Variants in CDC16 observed in about 807,000 individuals in gnomAD.
CDC16 encodes cell division cycle protein 16 homolog.
In CDC16, 34 loss-of-function variants were observed where a neutral mutation model predicts 87.0. That is an observed-to-expected ratio of 0.39 (90% CI 0.30 to 0.52). The LOEUF (loss-of-function observed/expected upper bound fraction) is 0.52, where lower values mean the gene tolerates loss of function less well. CDC16 is among the 20% of genes least tolerant of loss of function. The pLI is 0.74. For synonymous variants in CDC16, 263 were observed against 260.6 expected, an observed-to-expected ratio of 1.01 and a Z score of -0.09; for missense variants, 653 against 751.9, an observed-to-expected ratio of 0.87 and a Z score of 1.54.
intron 2 of CDC16, 22 bp from the exon 3 acceptor site, chr13:114,236,777 T>A: frequency 6.2e-7 from 1 of 1,612,506 alleles, no homozygotes; most frequent in South Asian, 1.1e-5. Flanking sequence ...CTCTGACCAC[T>A]TATGTGAATT....
rs1281536284 is a variant in CDC16, at chr13:114,272,486, G to A, written c.*43G>A. The A allele has an allele frequency of 3.2e-6, 5 of 1,567,828 alleles. No individual in the cohort carries two copies. The Admixed American group carries it at 8.9e-5, about 28-fold the overall frequency. On this transcript the variant is annotated 3_prime_UTR_variant, in exon 18 of 18. Coordinates refer to ENST00000356221, the MANE Select transcript of CDC16 (RefSeq NM_001078645.3). The stretch of plus-strand genomic sequence containing the variant: ...GGTCCCACTGTCCCAGTGTAGGTTA[G>A]TATTCCTTCACATCCTCTCCATGGC...
intron 6 of CDC16, 151 bp downstream of exon 6, chr13:114,242,431 T>G: frequency 1.4e-6 from 1 of 697,542 alleles, no homozygotes. Context: ...GTAAAGCACG[T>G]TGCAGAATGC....
chr13:114,272,524 C>T lies in CDC16; in HGVS notation c.*81C>T. 7.9e-7 allele frequency: 1 copy of T among 1,261,142 alleles called. No individual in the cohort carries two copies. The highest frequency in any genetic ancestry group is 1.1e-6 in the Non-Finnish European group (1 of 901,556). The allele number at this position is 1,261,142 out of a possible 1,614,324, so 78.1% of individuals were successfully genotyped here. A position where few individuals can be genotyped will look rare whatever the true frequency, so the allele number is the denominator to read the frequency against. On this transcript the variant is annotated 3_prime_UTR_variant, in exon 18 of 18. Transcript: ENST00000356221. ...TCCTCTCCATGGCTTAAGAATGTCC[C>T]ACTTCCTAACGTGACTCCAAACTGC...
rs148652876 is a variant in CDC16 at position 114,252,476 on chromosome 13, G to C, written c.1097+1802G>C. Among the ~76,000 whole-genome samples, 319 of 152,298 alleles carry C rather than the reference G, an allele frequency of 2.1e-3. 2 individuals carry two copies. The highest frequency in any genetic ancestry group is 7.3e-3 in the African/African-American group (304 of 41,572). Reference sequence around the variant, plus strand: ...TATATTACTAGAAAATAACCTTCCAGAGTAGAGTTGCACACCCAGTTATGG... The same window carrying C: ...TATATTACTAGAAAATAACCTTCCACAGTAGAGTTGCACACCCAGTTATGG... On this transcript the variant is annotated intron_variant, in intron 12 of 17. Coordinates refer to ENST00000356221, the MANE Select transcript of CDC16 (RefSeq NM_001078645.3).
At chr13:114,268,365 A>C (rs533021460) in intron 17 of CDC16, among the ~76,000 whole-genome samples, 1 of 152,376 alleles carries the variant, frequency 6.6e-6, no homozygotes, top group East Asian at 1.9e-4. Flanking sequence ...ATTGAACAAA[A>C]CAAAGCAATG....
At chr13:114,254,499 G>A (rs942314475) in intron 12 of CDC16, among the ~76,000 whole-genome samples, 3 of 152,156 alleles carry the variant, frequency 2.0e-5, no homozygotes, top group East Asian at 1.9e-4. Flanking sequence ...ACCTTACTCC[G>A]ATATAGCTGT....
Position 114,257,154 on chromosome 13 carries a change from A to T in CDC16, c.1174A>T (p.Ser392Cys). 6.2e-7 allele frequency: 1 copy of T among 1,613,324 alleles called. No individual in the cohort carries two copies. Among genetic ancestry groups the T allele is most frequent in the Non-Finnish European group, 8.5e-7 (1 of 1,179,318 alleles). The change falls in exon 13 of 18, where the codon AGC becomes TGC. Residue 392 changes from serine to cysteine, a missense_variant. By Grantham distance (112) the Ser-to-Cys change is moderately radical (BLOSUM62 -1). Coordinates refer to ENST00000356221, the MANE Select transcript of CDC16 (RefSeq NM_001078645.3). The part of the protein sequence containing the change: ...NNSKLAERFF[S>C]QALSIAPEDP... ...CTCAAAACTAGCTGAAAGGTTCTTC[A>T]GCCAAGCTCTGAGCATTGCACCGGA...
At chr13:114,247,706 T>G (rs527257576) in intron 11 of CDC16, among the ~76,000 whole-genome samples, 1 of 152,092 alleles carries the variant, frequency 6.6e-6, no homozygotes, top group South Asian at 2.1e-4. Flanking sequence ...GGTGAAACTC[T>G]GTCTACTAAA....
At chr13:114,266,467 T>C (rs1174948525) in intron 17 of CDC16, among the ~76,000 whole-genome samples, 1 of 152,220 alleles carries the variant, frequency 6.6e-6, no homozygotes, top group Non-Finnish European at 1.5e-5. Flanking sequence ...TAAAAATGCA[T>C]GTTCCCATAG....
intron 12 of CDC16, among the ~76,000 whole-genome samples, chr13:114,254,902 C>G (rs560851675): frequency 3.3e-5 from 5 of 152,222 alleles, no homozygotes; most frequent in African/African-American, 4.8e-5. Context: ...CACTTACCAT[C>G]TATCCTCTCT....
In CDC16 at chr13:114,238,204, G is replaced by C. The variant is rs1211607697; in HGVS notation, c.202-786G>C. On this transcript the variant is annotated intron_variant, in intron 3 of 17. Coordinates refer to ENST00000356221, the MANE Select transcript of CDC16 (RefSeq NM_001078645.3). ...CGGACGCCCAGCAGTTATTCACACT[G>C]AGGGCCTGAAGTGGAGCTGCTGCGA... Among the ~76,000 whole-genome samples, 140 of 118,690 alleles carry C rather than the reference G, an allele frequency of 1.2e-3. 2 individuals carry two copies. The highest frequency in any genetic ancestry group is 4.2e-3 in the African/African-American group (117 of 27,834). The allele number at this position is 118,690 out of a possible 152,430, so 77.9% of individuals were successfully genotyped here.
rs2081582602 is a variant in CDC16 at position 114,242,107 on chromosome 13, C to G, written c.382-14C>G. On this transcript the variant is annotated splice_polypyrimidine_tract_variant and intron_variant, in intron 5 of 17. Transcript: ENST00000356221. ...AGTACTGACTTAATATGTGACTCAT[C>G]ATTTTTCCAACAGATAAAGAGTTCT... is the stretch of plus-strand genomic sequence containing the variant. 1.3e-6 allele frequency: 2 copies of G among 1,587,486 alleles called. No homozygotes were observed. The highest frequency in any genetic ancestry group is 1.2e-5 in the South Asian group (1 of 86,046).
Position 114,265,164 on chromosome 13 carries a change from G to A in CDC16, c.1527G>A (p.Arg509=), listed in dbSNP as rs752692511. ...VDYFHTALGL[R]RDDTFSVTML... is the part of the protein sequence containing the mutation. The stretch of plus-strand genomic sequence containing the variant: ...TTTTATGGCAGGCCCTTGGTCTTAG[G>A]CGAGATGATACATTTTCTGTTACAA... Residue 509 remains arginine, a synonymous_variant, in exon 17 of 18, where the codon AGG becomes AGA. Transcript: ENST00000356221. 1 of 1,610,198 alleles carries A rather than the reference G, an allele frequency of 6.2e-7. No homozygotes were observed. Among genetic ancestry groups the A allele is most frequent in the Non-Finnish European group, 8.5e-7 (1 of 1,176,462 alleles).
intron 1 of CDC16, 26 bp from the exon 2 acceptor site, chr13:114,236,619 C>A: frequency 6.3e-7 from 1 of 1,584,344 alleles, no homozygotes. Context: ...GGGCAGTTAC[C>A]ACCTTTTTTT....
chr13:114,249,913 T>G (rs2082074525), intron 11 of CDC16, among the ~76,000 whole-genome samples: 1 of 152,186 alleles, frequency 6.6e-6, no homozygotes, highest in Non-Finnish European at 1.5e-5. Flanking sequence ...TTAAACAGTT[T>G]TAGTTCAAAT....
Position 114,267,351 on chromosome 13 carries a change from A to AG in CDC16, c.1603+2111_1603+2112insG, listed in dbSNP as rs200701918. ...AAAAAACAAAACAATACAAAAAAAA[A>AG]CTGGCCAGGCATAGTGGCAGACGCC... On this transcript the variant is annotated intron_variant, in intron 17 of 17. Transcript: ENST00000356221. 5.7e-3 allele frequency among the ~76,000 whole-genome samples: 860 copies of AG among 151,650 alleles called. 8 individuals carry two copies. The highest frequency in any genetic ancestry group is 0.019 in the African/African-American group (790 of 41,266).
intron 11 of CDC16, 195 bp downstream of exon 11, chr13:114,247,199 G>T: frequency 1.8e-6 from 1 of 564,378 alleles, no homozygotes; most frequent in Non-Finnish European, 3.1e-6. Context: ...CCTCTCTCTC[G>T]AGGGTTCTCA....
chr13:114,259,253 C>A, intron 13 of CDC16, 82 bp from the exon 14 acceptor site: 1 of 859,018 alleles, frequency 1.2e-6, no homozygotes, highest in Non-Finnish European at 1.8e-6. Context: ...TTTAGTACTA[C>A]TAGAAAGGTA....
Position 114,250,581 on chromosome 13 carries a change from C to A in CDC16, c.1004C>A (p.Pro335His), listed in dbSNP as rs1230171430. ...ACAACACTTGAGAAAACCTATGGACCTGCATGGATAGCCTATGGACATTCA... is the reference window on the plus strand; with the variant it reads ...ACAACACTTGAGAAAACCTATGGACATGCATGGATAGCCTATGGACATTCA... ...KATTLEKTYG[P>H]AWIAYGHSFA... Residue 335 changes from proline (P) to histidine (H), a missense_variant, in exon 12 of 18, where the codon CCT (proline) becomes CAT (histidine). Coordinates refer to ENST00000356221, the MANE Select transcript of CDC16 (RefSeq NM_001078645.3). 6.2e-7 allele frequency: 1 copy of A among 1,613,924 alleles called. No individual in the cohort carries two copies. Among genetic ancestry groups the A allele is most frequent in the East Asian group, 2.2e-5 (1 of 44,886 alleles).
Sources: allele counts gnomAD v4.1 joint callset (sites outside exome capture counted in the v4.1 genomes callset), GRCh38; gene constraint gnomAD v4.1.1; transcripts MANE v1.5; gene names NCBI Gene and HGNC (gene_info 2026-07-23, HGNC 2026-07-21).